FANCL: variants seen among roughly 807,000 people sequenced by gnomAD.
FANCL encodes E3 ubiquitin-protein ligase FANCL.
A neutral mutation model predicts 59.4 loss-of-function variants in FANCL; 69 were observed. That is an observed-to-expected ratio of 1.16 (90% CI 0.96 to 1.42). The LOEUF (loss-of-function observed/expected upper bound fraction) is 1.42. Among genes scored for constraint, FANCL ranks in the 40% most tolerant of loss-of-function variants. The pLI is 0.00. For missense variants in FANCL, 519 were observed against 447.2 expected (o/e 1.16, Z -1.45); for synonymous variants, 180 against 147.1 (o/e 1.22, Z -1.62).
chr2:58,175,368 T>C lies in FANCL; in HGVS notation c.541-9494A>G, dbSNP rs988202289. On this transcript the variant is annotated intron_variant, in intron 7 of 13. Coordinates refer to ENST00000233741, the MANE Select transcript of FANCL (RefSeq NM_018062.4). ...TTACACCAATATCCTTGATGAACATTGATGCAAAAATCCTCAATAAAATAC... is the reference window on the plus strand; with the variant it reads ...TTACACCAATATCCTTGATGAACATCGATGCAAAAATCCTCAATAAAATAC... 2.0e-5 allele frequency among the ~76,000 whole-genome samples: 3 copies of C among 149,912 alleles called. No homozygotes were observed. The East Asian group carries it at 5.8e-4, about 29-fold the overall frequency.
chr2:58,229,165 A>G (rs974288311), intron 3 of FANCL, among the ~76,000 whole-genome samples: 1 of 152,194 alleles, frequency 6.6e-6, no homozygotes, highest in Admixed American at 6.5e-5. Flanking sequence ...ACAGAAATAT[A>G]GAAAATCAGG....
intron 7 of FANCL, 71 bp from the exon 8 acceptor site, chr2:58,165,945 T>C: frequency 1.4e-5 from 21 of 1,494,246 alleles, no homozygotes; most frequent in Non-Finnish European, 1.9e-5. Flanking sequence ...TTACTTAAAA[T>C]ACACTCAATT....
chr2:58,201,373 TA>T (rs915579684), intron 6 of FANCL, among the ~76,000 whole-genome samples: 10 of 150,270 alleles, frequency 6.7e-5, no homozygotes, highest in South Asian at 2.1e-4. Flanking sequence ...AATCAATAAC[TA>T]AAAAAAAAGA....
chr2:58,200,568 T>C (rs1478522287), intron 6 of FANCL, among the ~76,000 whole-genome samples: 4 of 152,002 alleles, frequency 2.6e-5, no homozygotes, highest in Non-Finnish European at 5.9e-5. Context: ...GTAGATAAAA[T>C]AAGACTAATG....
intron 13 of FANCL, 98 bp from the exon 14 acceptor site, chr2:58,159,898 C>CA: frequency 2.6e-6 from 4 of 1,562,408 alleles, no homozygotes; most frequent in Non-Finnish European, 3.5e-6. Flanking sequence ...TGTCATAGTA[C>CA]AGTTTGGAAA....
intron 5 of FANCL, among the ~76,000 whole-genome samples, chr2:58,211,542 G>C (rs1005587873): frequency 6.6e-6 from 1 of 152,150 alleles, no homozygotes; most frequent in Non-Finnish European, 1.5e-5. Context: ...TTCTGCAGCT[G>C]GCTTGAATTT....
chr2:58,160,470 A>G (rs951447489), intron 12 of FANCL, among the ~76,000 whole-genome samples: 1 of 152,030 alleles, frequency 6.6e-6, no homozygotes, highest in African/African-American at 2.4e-5. Flanking sequence ...TTATCCCCAG[A>G]ATAGACATAC....
intron 7 of FANCL, among the ~76,000 whole-genome samples, chr2:58,185,094 G>C (rs1688276015): frequency 6.6e-6 from 1 of 151,964 alleles, no homozygotes; most frequent in Admixed American, 6.6e-5. Context: ...GAGCACAGAA[G>C]CTAAGTTTAA....
intron 7 of FANCL, among the ~76,000 whole-genome samples, chr2:58,173,381 A>G (rs1686887865): frequency 1.3e-5 from 2 of 152,124 alleles, no homozygotes; most frequent in Non-Finnish European, 2.9e-5. Flanking sequence ...AAGGGCAGCC[A>G]GAGAGAAAGG....
In FANCL at chr2:58,184,090, G is replaced by C. The variant is rs143554474; in HGVS notation, c.540+14504C>G. ...AGTAGGTATTGCTTTCCCCTTAAAA[G>C]TACCAAGATTCCCTTTCAAGATGCC... is the stretch of plus-strand genomic sequence containing the variant. On this transcript the variant is annotated intron_variant, in intron 7 of 13. Transcript: ENST00000233741. Among the ~76,000 whole-genome samples, 524 of 152,024 alleles carry C rather than the reference G, an allele frequency of 3.4e-3. 2 individuals are homozygous for C. Among genetic ancestry groups the C allele is most frequent in the Middle Eastern group, 0.014 (4 of 292 alleles).
At chr2:58,184,772 G>C (rs1159432759) in intron 7 of FANCL, among the ~76,000 whole-genome samples, 1 of 152,052 alleles carries the variant, frequency 6.6e-6, no homozygotes, top group Non-Finnish European at 1.5e-5. Context: ...AGCATGGTAT[G>C]AGAAGGAAAA....
intron 1 of FANCL, 68 bp from the exon 2 acceptor site, chr2:58,232,180 A>T: frequency 8.0e-7 from 1 of 1,251,312 alleles, no homozygotes; most frequent in South Asian, 1.2e-5. Flanking sequence ...AGTTAAACAG[A>T]ATCACAAAGA....
intron 5 of FANCL, among the ~76,000 whole-genome samples, chr2:58,204,537 G>T (rs1690384365): frequency 6.6e-6 from 1 of 152,056 alleles, no homozygotes; most frequent in South Asian, 2.1e-4. Flanking sequence ...GCATGTTCCT[G>T]TCAGCCTCTA....
chr2:58,163,234 T>G, intron 9 of FANCL, 160 bp from the exon 10 acceptor site: 1 of 754,882 alleles, frequency 1.3e-6, no homozygotes, highest in Non-Finnish European at 2.2e-6. Flanking sequence ...GCTGAGACAT[T>G]GTCATTTAAA....
At chr2:58,171,751 G>C (rs1282117213) in intron 7 of FANCL, among the ~76,000 whole-genome samples, 1 of 152,154 alleles carries the variant, frequency 6.6e-6, no homozygotes, top group East Asian at 1.9e-4. Context: ...CCAGACAGTG[G>C]GCGCAAGACA....
chr2:58,189,327 A>C (rs1688706301), intron 7 of FANCL, among the ~76,000 whole-genome samples: 1 of 152,212 alleles, frequency 6.6e-6, no homozygotes, highest in East Asian at 1.9e-4. Context: ...ATGGATCTAC[A>C]CAGCAGTAGA....
chr2:58,231,201 T>G (rs1693548467), intron 2 of FANCL, among the ~76,000 whole-genome samples: 1 of 152,168 alleles, frequency 6.6e-6, no homozygotes, highest in African/African-American at 2.4e-5. Flanking sequence ...GTCACTGGCT[T>G]TCTCTTCTAC....
At chr2:58,214,306 TA>T (rs1317825034) in intron 5 of FANCL, among the ~76,000 whole-genome samples, 3 of 152,166 alleles carry the variant, frequency 2.0e-5, no homozygotes, top group Non-Finnish European at 4.4e-5. Context: ...GAACAATGGG[TA>T]TAATACAAAG....
intron 6 of FANCL, among the ~76,000 whole-genome samples, chr2:58,203,559 T>C (rs920537774): frequency 3.3e-5 from 5 of 152,060 alleles, no homozygotes; most frequent in African/African-American, 1.2e-4. Flanking sequence ...GAAACAACCA[T>C]GTTTTGTGCC....
Sources: allele counts gnomAD v4.1 joint callset (sites outside exome capture counted in the v4.1 genomes callset), GRCh38; gene constraint gnomAD v4.1.1; transcripts MANE v1.5; gene names NCBI Gene and HGNC (gene_info 2026-07-23, HGNC 2026-07-21).